PNP: variants seen among roughly 807,000 people sequenced by gnomAD.
PNP encodes the protein purine nucleoside phosphorylase, also known as HEL-S-156an.
PNP carries 18 observed loss-of-function variants against 26.8 expected under a neutral mutation model. That is an observed-to-expected ratio of 0.67 (90% CI 0.46 to 1.00). The LOEUF (loss-of-function observed/expected upper bound fraction) is 1.00, where lower values mean the gene tolerates loss of function less well. Among genes scored for constraint, PNP ranks in the 50% least tolerant of loss-of-function variants. The pLI, the probability that PNP is intolerant of heterozygous loss-of-function variation, is 0.00. For synonymous variants in PNP, 116 were observed against 124.8 expected, an observed-to-expected ratio of 0.93 and a Z score of 0.47; for missense variants, 320 against 362.9, an observed-to-expected ratio of 0.88 and a Z score of 0.96.
Position 20,471,179 on chromosome 14 carries a change from C to T in PNP, c.12-1129C>T, listed in dbSNP as rs548646875. Among the ~76,000 whole-genome samples the T allele has an allele frequency of 2.8e-3, 423 of 150,636 alleles. 1 individual carries two copies. The highest frequency in any genetic ancestry group is 8.7e-3 in the African/African-American group (357 of 40,932). On this transcript the variant is annotated intron_variant, in intron 1 of 5. Coordinates refer to ENST00000361505, the MANE Select transcript of PNP (RefSeq NM_000270.4). ...CCGTGTAGCTAGGACTACAGGGGCC[C>T]GCCACCACGCCCGGCTAATTTTTTT... is the stretch of plus-strand genomic sequence containing the variant.
rs1882116776 is a variant in PNP at position 20,476,482 on chromosome 14, A to G, written c.751A>G (p.Ser251Gly). 6.2e-7 allele frequency: 1 copy of G among 1,614,078 alleles called. No individual in the cohort carries two copies. The highest frequency in any genetic ancestry group is 1.1e-5 in the South Asian group (1 of 91,084). The change falls in exon 6 of 6, where the codon AGC becomes GGC. Residue 251 changes from serine to glycine, a missense_variant. Transcript: ENST00000361505. Reference protein sequence around the residue: ...ITNKVIMDYESLEKANHEEVL... With the variant: ...ITNKVIMDYEGLEKANHEEVL... ...TAACAAGGTCATCATGGATTATGAA[A>G]GCCTGGAGAAGGCCAACCATGAAGA...
rs771263911 is a variant in PNP, at chr14:20,476,433, A to G, written c.702A>G (p.Arg234=). The part of the protein sequence containing the change: ...EVIVARHCGL[R]VFGFSLITNK... ...TCGTTGCACGGCACTGTGGACTTCG[A>G]GTCTTTGGCTTCTCACTCATCACTA... is the stretch of plus-strand genomic sequence containing the variant. Residue 234 remains arginine, a synonymous_variant, in exon 6 of 6, where the codon CGA becomes CGG. Transcript: ENST00000361505. 3.1e-6 allele frequency: 5 copies of G among 1,614,220 alleles called. No individual in the cohort carries two copies. Among genetic ancestry groups the G allele is most frequent in the Non-Finnish European group, 4.2e-6 (5 of 1,180,038 alleles).
intron 5 of PNP, 75 bp downstream of exon 5, chr14:20,475,327 T>G: frequency 9.8e-5 from 120 of 1,226,704 alleles, no homozygotes; most frequent in Non-Finnish European, 1.2e-4. Flanking sequence ...GAGTAGGAAA[T>G]AACAGGCCTC....
intron 5 of PNP, 147 bp downstream of exon 5, chr14:20,475,399 A>T: frequency 1.4e-6 from 1 of 729,582 alleles, no homozygotes; most frequent in Non-Finnish European, 2.2e-6. Context: ...TGAAATACAA[A>T]CTGGTGAGAT....
chr14:20,469,729 C>A (rs1881946515), intron 1 of PNP, 194 bp downstream of exon 1: 1 of 734,674 alleles, frequency 1.4e-6, no homozygotes, highest in East Asian at 2.7e-5. Flanking sequence ...CAGGGACGCA[C>A]GCGGGAATCG....
Position 20,476,556 on chromosome 14 carries a change from C to T in PNP, c.825C>T (p.Val275=), listed in dbSNP as rs1594428452. The change falls in exon 6 of 6, where the codon GTC becomes GTT. Residue 275 remains valine, a synonymous_variant. Coordinates refer to ENST00000361505, the MANE Select transcript of PNP (RefSeq NM_000270.4). The part of the protein sequence containing the change: ...KQAAQKLEQF[V]SILMASIPLP... The stretch of plus-strand genomic sequence containing the variant: ...CTGCACAGAAATTGGAACAGTTTGT[C>T]TCCATTCTTATGGCCAGCATTCCAC... 6.2e-7 allele frequency: 1 copy of T among 1,614,202 alleles called. No homozygotes were observed. The highest frequency in any genetic ancestry group is 1.7e-5 in the Admixed American group (1 of 60,024).
At chr14:20,469,680 G>A (rs2139332049) in intron 1 of PNP, 145 bp downstream of exon 1, 5 of 1,138,518 alleles carry the variant, frequency 4.4e-6, no homozygotes, top group Non-Finnish European at 5.1e-6. Context: ...GCCTAGTGTC[G>A]GGAGCAAGGC....
rs141958187 is a variant in PNP at position 20,474,983 on chromosome 14, G to A, written c.461+35G>A. The A allele has an allele frequency of 1.5e-3, 2,439 of 1,613,848 alleles. 36 individuals carry two copies. In the African/African-American group the frequency reaches 0.029, roughly 19 times the overall value. On this transcript the variant is annotated intron_variant, in intron 4 of 5. Coordinates refer to ENST00000361505, the MANE Select transcript of PNP (RefSeq NM_000270.4). ...TTACTCCGTTTTTTTTAGGTGGGTAGGATTTAAAGACTTCTCTAGGAGCTG... is the reference window on the plus strand; with the variant it reads ...TTACTCCGTTTTTTTTAGGTGGGTAAGATTTAAAGACTTCTCTAGGAGCTG...
At chr14:20,474,309 C>G (rs1226320607) in intron 2 of PNP, 163 bp from the exon 3 acceptor site, 1 of 656,438 alleles carries the variant, frequency 1.5e-6, no homozygotes, top group Non-Finnish European at 2.7e-6. Flanking sequence ...GCCTGGCTCT[C>G]TCACCAGACT....
At chr14:20,472,601 G>T (rs1484941876) in intron 2 of PNP, 124 bp downstream of exon 2, 2 of 974,686 alleles carry the variant, frequency 2.1e-6, no homozygotes, top group Non-Finnish European at 3.2e-6. Context: ...AATGTTGTAA[G>T]AGAGGAGAAA....
chr14:20,475,506 A>C (rs1227853027), intron 5 of PNP, among the ~76,000 whole-genome samples: 1 of 152,074 alleles, frequency 6.6e-6, no homozygotes, highest in Non-Finnish European at 1.5e-5. Context: ...GTTTTTTGAG[A>C]CGGAATGTCG....
intron 2 of PNP, chr14:20,473,171 A>G (rs1321439730): frequency 6.6e-6 from 1 of 152,104 alleles, no homozygotes; most frequent in African/African-American, 2.4e-5. Flanking sequence ...AAGCTCCTCT[A>G]TCTTTGAGAA....
chr14:20,475,330 C>T (rs1882080149), intron 5 of PNP, 78 bp downstream of exon 5: 1 of 1,251,622 alleles, frequency 8.0e-7, no homozygotes, highest in Non-Finnish European at 1.1e-6. Flanking sequence ...TAGGAAATAA[C>T]AGGCCTCATT....
chr14:20,472,684 T>G (rs1388933158), intron 2 of PNP: 2 of 653,114 alleles, frequency 3.1e-6, no homozygotes, highest in African/African-American at 3.6e-5. Flanking sequence ...GACATGTGTG[T>G]GTCAGTGGAC....
rs535741893 is a variant in PNP, at chr14:20,476,654, C to T, written c.*53C>T. The T allele has an allele frequency of 7.0e-7, 1 of 1,420,520 alleles. No individual in the cohort carries two copies. The highest frequency in any genetic ancestry group is 2.3e-5 in the East Asian group (1 of 43,938). The allele number at this position is 1,420,520 out of a possible 1,614,324, so 88.0% of individuals were successfully genotyped here. A position where few individuals can be genotyped will look rare whatever the true frequency, so the allele number is the denominator to read the frequency against. ...CACACAAGACCCAAGTAGCTGCTAC[C>T]TTCTTTGGCCCCTTGCTGGAGTCAT... On this transcript the variant is annotated 3_prime_UTR_variant, in exon 6 of 6. Transcript: ENST00000361505.
chr14:20,474,505 T>C lies in PNP; in HGVS notation c.215T>C (p.Phe72Ser), dbSNP rs1397762511. The part of the protein sequence containing the change: ...PGHAGRLVFG[F>S]LNGRACVMMQ... ...CATGCTGGCCGACTGGTGTTTGGGT[T>C]CCTGAATGGCAGGGCCTGTGTGATG... Residue 72 changes from phenylalanine to serine, a missense_variant, in exon 3 of 6, where the codon TTC (phenylalanine) becomes TCC (serine). Coordinates refer to ENST00000361505, the MANE Select transcript of PNP (RefSeq NM_000270.4). 6.2e-7 allele frequency: 1 copy of C among 1,614,096 alleles called. No individual in the cohort carries two copies.
rs922257453 is a variant in PNP, at chr14:20,475,201, G to C, written c.601G>C (p.Glu201Gln). ...TYVMVAGPSFETVAECRVLQK... is the reference protein window; with the variant it reads ...TYVMVAGPSFQTVAECRVLQK... ...TGTGATGGTGGCAGGCCCCAGCTTTGAGACTGTGGCAGAATGTCGTGTGCT... is the reference window on the plus strand; with the variant it reads ...TGTGATGGTGGCAGGCCCCAGCTTTCAGACTGTGGCAGAATGTCGTGTGCT... The change falls in exon 5 of 6, where the codon GAG (glutamate) becomes CAG (glutamine). Residue 201 changes from glutamate (E) to glutamine (Q), a missense_variant. Glu to Gln is a conservative substitution (Grantham distance 29). Transcript: ENST00000361505. 1 of 1,614,088 alleles carries C rather than the reference G, an allele frequency of 6.2e-7. No homozygotes were observed.
rs1214269636 is a variant in PNP at position 20,472,318 on chromosome 14, G to A, written c.22G>A (p.Glu8Lys). 6.2e-7 allele frequency: 1 copy of A among 1,613,760 alleles called. No homozygotes were observed. The highest frequency in any genetic ancestry group is 1.1e-5 in the South Asian group (1 of 91,068). MENGYTY[E>K]DYKNTAEWLL... ...TTTTTTCTCCCCCAGATACACCTAT[G>A]AAGATTATAAGAACACTGCAGAATG... Residue 8 changes from glutamate (E) to lysine (K), a missense_variant, in exon 2 of 6, where the codon GAA becomes AAA. Transcript: ENST00000361505.
At position 20,475,244 on chromosome 14, in the gene PNP, A is replaced by G; in HGVS notation, c.644A>G (p.Asp215Gly). The change falls in exon 5 of 6, where the codon GAC becomes GGC. Residue 215 changes from aspartate (D) to glycine (G), a missense_variant. Transcript: ENST00000361505. Reference sequence around the variant, plus strand: ...CGTGTGCTGCAGAAGCTGGGAGCAGACGCTGTTGGTGAGAAGGGGAATTTG... The same window carrying G: ...CGTGTGCTGCAGAAGCTGGGAGCAGGCGCTGTTGGTGAGAAGGGGAATTTG... ...ECRVLQKLGA[D>G]AVGMSTVPEV... The G allele has an allele frequency of 6.2e-7, 1 of 1,612,192 alleles. No individual in the cohort carries two copies.
Sources: allele counts gnomAD v4.1 joint callset (sites outside exome capture counted in the v4.1 genomes callset), GRCh38; gene constraint gnomAD v4.1.1; transcripts MANE v1.5; gene names NCBI Gene and HGNC (gene_info 2026-07-23, HGNC 2026-07-21).